Variants in WNT9B observed in about 807,000 individuals in gnomAD.
WNT9B encodes protein Wnt-9b.
In WNT9B, 12 loss-of-function variants were observed where a neutral mutation model predicts 30.2. The ratio of observed to expected loss-of-function variants is 0.40; its 90% confidence interval spans 0.26 to 0.64. The LOEUF is 0.64. WNT9B is among the 30% of genes least tolerant of loss of function. WNT9B has a pLI of 0.42. For synonymous variants in WNT9B, 218 were observed against 216.9 expected (o/e 1.01, Z -0.05); for missense variants, 442 against 485.2 (o/e 0.91, Z 0.84).
upstream of WNT9B, among the ~76,000 whole-genome samples, chr17:46,846,786 AGAGG>A (rs2084780439): frequency 6.6e-6 from 1 of 152,228 alleles, no homozygotes. Flanking sequence ...GTGAGGAAGA[AGAGG>A]GAGGGAGGGA....
intron 1 of WNT9B, among the ~76,000 whole-genome samples, chr17:46,871,294 T>C (rs1037076359): frequency 1.3e-5 from 2 of 152,136 alleles, no homozygotes; most frequent in Non-Finnish European, 2.9e-5. Flanking sequence ...ATGATGTATA[T>C]TCCACCCACA....
chr17:46,865,070 C>T (rs900573854), intron 1 of WNT9B, among the ~76,000 whole-genome samples: 6 of 152,182 alleles, frequency 3.9e-5, no homozygotes, highest in Admixed American at 1.3e-4. Context: ...GGGGACCCTC[C>T]GCAGCCACTG....
intron 1 of WNT9B, among the ~76,000 whole-genome samples, chr17:46,871,796 C>T (rs2085248653): frequency 6.6e-6 from 1 of 152,184 alleles, no homozygotes; most frequent in Non-Finnish European, 1.5e-5. Context: ...GAATTCAGCT[C>T]CTTCACCTTC....
In WNT9B at chr17:46,877,186, C is replaced by A; in HGVS notation, c.*468C>A. 3.1e-6 allele frequency: 2 copies of A among 650,736 alleles called. No homozygotes were observed. The highest frequency in any genetic ancestry group is 3.8e-6 in the Non-Finnish European group (2 of 524,370). 40.3% of individuals were successfully genotyped at this position (650,736 alleles called of 1,614,324 possible). ...GGGAGCCTGGCTGAGATGGGTCAATCGGGTCCTGTGGCCCTGCTCAGGTGC... is the reference window on the plus strand; with the variant it reads ...GGGAGCCTGGCTGAGATGGGTCAATAGGGTCCTGTGGCCCTGCTCAGGTGC... On this transcript the variant is annotated 3_prime_UTR_variant, in exon 4 of 4. Coordinates refer to ENST00000290015, the MANE Select transcript of WNT9B (RefSeq NM_003396.3).
chr17:46,836,753 T>C (rs1182006850), intron 1 of WNT9B, among the ~76,000 whole-genome samples: 2 of 152,122 alleles, frequency 1.3e-5, no homozygotes, highest in African/African-American at 2.4e-5. Flanking sequence ...TGGGGTGATG[T>C]CTTGGTTGGA....
chr17:46,833,438 A>G lies in WNT9B; in HGVS notation c.93A>G (p.Arg31=), dbSNP rs750821930. ...TTACCAGCCCTCTAAGAAGAATCAGAAGGTGAGTGTTAGGGAGGAAGGGAC... is the reference window on the plus strand; with the variant it reads ...TTACCAGCCCTCTAAGAAGAATCAGGAGGTGAGTGTTAGGGAGGAAGGGAC... The change falls in exon 1 of 3, where the codon AGA becomes AGG. Residue 31 remains arginine, a splice_region_variant and synonymous_variant. Coordinates refer to the WNT9B transcript ENST00000575372. 5 of 515,114 alleles carry G rather than the reference A, an allele frequency of 9.7e-6. No individual in the cohort carries two copies. In the Admixed American group the frequency reaches 9.8e-5, roughly 10 times the overall value. The allele number at this position is 515,114 out of a possible 1,614,324, so 31.9% of individuals were successfully genotyped here. A position where few individuals can be genotyped will look rare whatever the true frequency, so the allele number is the denominator to read the frequency against.
At chr17:46,853,362 A>ATT (rs1177674765) in intron 1 of WNT9B, among the ~76,000 whole-genome samples, 6 of 84,446 alleles carry the variant, frequency 7.1e-5, no homozygotes, top group African/African-American at 2.6e-4. Context: ...AATGCTAGTG[A>ATT]CTTTTTTTTT....
downstream of WNT9B, among the ~76,000 whole-genome samples, chr17:46,882,101 A>G (rs991388783): frequency 6.6e-6 from 1 of 152,218 alleles, no homozygotes; most frequent in Admixed American, 6.5e-5. Flanking sequence ...GGATATAGTG[A>G]GCTGTGATTG....
chr17:46,867,074 T>A lies in WNT9B; in HGVS notation c.78-5443T>A, dbSNP rs534056559. Among the ~76,000 whole-genome samples, 15 of 152,354 alleles carry A rather than the reference T, an allele frequency of 9.8e-5. No homozygotes were observed. In the South Asian group the frequency reaches 3.1e-3, roughly 32 times the overall value. On this transcript the variant is annotated intron_variant, in intron 1 of 3. Transcript: ENST00000290015. ...CTGATCTGGGTCCCTAAGCAGCTAC[T>A]GGTGTTTCCTCAAGGAGGCAGGCCA...
At chr17:46,838,336 A>AAAG (rs1224431786) in intron 1 of WNT9B, among the ~76,000 whole-genome samples, 1 of 152,002 alleles carries the variant, frequency 6.6e-6, no homozygotes, top group Admixed American at 6.6e-5. Flanking sequence ...AAAAAAAAAA[A>AAAG]AAATCACAGG....
chr17:46,882,891 G>T (rs1456360844), downstream of WNT9B, among the ~76,000 whole-genome samples: 2 of 152,122 alleles, frequency 1.3e-5, no homozygotes, highest in Admixed American at 6.5e-5. Flanking sequence ...AGGTGGCTCT[G>T]TGCAGGCTCC....
chr17:46,885,054 T>C (rs2085472671), downstream of WNT9B: 1 of 441,786 alleles, frequency 2.3e-6, no homozygotes, highest in Non-Finnish European at 4.5e-6. Context: ...AGTGGCAAGA[T>C]CTCAGCTCAT....
chr17:46,857,576 G>A (rs2084960244), intron 1 of WNT9B, among the ~76,000 whole-genome samples: 2 of 151,950 alleles, frequency 1.3e-5, no homozygotes, highest in Admixed American at 6.5e-5. Flanking sequence ...TTTTGTGGGT[G>A]TATGTTTTCA....
At chr17:46,850,424 G>T (rs1182172579), upstream of WNT9B, among the ~76,000 whole-genome samples, 1 of 152,102 alleles carries the variant, frequency 6.6e-6, no homozygotes, top group East Asian at 1.9e-4. Context: ...CACCTAACAC[G>T]GTAGCCACCA....
chr17:46,872,001 G>A (rs1279131778), intron 1 of WNT9B, among the ~76,000 whole-genome samples: 1 of 152,174 alleles, frequency 6.6e-6, no homozygotes, highest in Non-Finnish European at 1.5e-5. Flanking sequence ...GATGTCAGGG[G>A]ACCTTGGCTG....
intron 1 of WNT9B, among the ~76,000 whole-genome samples, chr17:46,856,259 G>C (rs958791512): frequency 2.0e-5 from 3 of 152,142 alleles, no homozygotes; most frequent in Non-Finnish European, 1.5e-5. Context: ...CTATCTGAGA[G>C]GTGAGGGTGA....
chr17:46,856,484 CT>C (rs1185944901), intron 1 of WNT9B, among the ~76,000 whole-genome samples: 3 of 150,436 alleles, frequency 2.0e-5, no homozygotes, highest in African/African-American at 7.4e-5. Context: ...CATGCTTTTT[CT>C]TTCTTTTTTT....
intron 2 of WNT9B, among the ~76,000 whole-genome samples, 190 bp downstream of exon 2, chr17:46,872,963 G>A (rs1330950267): frequency 6.6e-6 from 1 of 152,080 alleles, no homozygotes; most frequent in Non-Finnish European, 1.5e-5. Context: ...GCCAGCTGTG[G>A]CCCAGCCTCA....
chr17:46,869,430 G>A (rs2085200398), intron 1 of WNT9B, among the ~76,000 whole-genome samples: 1 of 152,194 alleles, frequency 6.6e-6, no homozygotes, highest in Non-Finnish European at 1.5e-5. Context: ...TGGTTGGAGT[G>A]GAGCCGTTCT....
Sources: gnomAD v4.1 joint callset for allele counts (sites outside exome capture counted in the v4.1 genomes callset) on GRCh38, gnomAD v4.1.1 for gene constraint, MANE v1.5 for transcripts, NCBI Gene and HGNC (gene_info 2026-07-23, HGNC 2026-07-21) for gene names.